Variants in UBE2E2 observed in about 807,000 individuals in gnomAD.
UBE2E2 encodes ubiquitin conjugating enzyme E2 E2, also known as ubiquitin-conjugating enzyme E2 E2.
A neutral mutation model predicts 24.7 loss-of-function variants in UBE2E2; 6 were observed. That is an observed-to-expected ratio of 0.24 (90% confidence interval 0.13 to 0.48). The LOEUF (loss-of-function observed/expected upper bound fraction) is 0.48, where lower values mean the gene tolerates loss of function less well. Ranked by LOEUF, UBE2E2 falls within the 20% of genes least tolerant of loss-of-function variation. The probability of loss-of-function intolerance (pLI) is 0.99; values close to 1 mark genes in which losing one functional copy is unlikely to be tolerated. For missense variants in UBE2E2, 169 were observed against 245.0 expected (o/e 0.69, Z 2.07); for synonymous variants, 104 against 83.6 (o/e 1.24, Z -1.33).
chr3:23,577,169 T>C lies in UBE2E2; in HGVS notation c.509-12565T>C, dbSNP rs573351265. Among the ~76,000 whole-genome samples the C allele has an allele frequency of 1.2e-4, 19 of 152,134 alleles. No homozygotes were observed. The South Asian group carries it at 2.5e-3, about 20-fold the overall frequency. On this transcript the variant is annotated intron_variant, in intron 5 of 5. Transcript: ENST00000396703. Reference sequence around the variant, plus strand: ...AGAGTCAAATGTCTCTCACTTTAAATTGAAAGATGGAGATAATTAAGCTTA... The same window carrying C: ...AGAGTCAAATGTCTCTCACTTTAAACTGAAAGATGGAGATAATTAAGCTTA...
intron 3 of UBE2E2, among the ~76,000 whole-genome samples, chr3:23,218,171 C>T (rs1042542557): frequency 6.6e-6 from 1 of 151,920 alleles, no homozygotes; most frequent in Non-Finnish European, 1.5e-5. Context: ...GGTATGATTT[C>T]TGAGTTTACT....
intron 5 of UBE2E2, among the ~76,000 whole-genome samples, chr3:23,556,355 A>G (rs1575704799): frequency 6.8e-6 from 1 of 147,482 alleles, no homozygotes; most frequent in Non-Finnish European, 1.5e-5. Flanking sequence ...GTTGGCCAGG[A>G]TGGTCTCAAT....
chr3:23,525,416 G>A (rs1694971869), intron 4 of UBE2E2, among the ~76,000 whole-genome samples: 1 of 152,108 alleles, frequency 6.6e-6, no homozygotes, highest in Admixed American at 6.5e-5. Context: ...TTGTTATCCA[G>A]GGCCATCTGG....
intron 3 of UBE2E2, among the ~76,000 whole-genome samples, chr3:23,246,387 A>ATTTTTTTTTT (rs35802594): frequency 1.2e-3 from 141 of 122,440 alleles, no homozygotes; most frequent in Non-Finnish European, 1.7e-3. Context: ...TGCCTGGCTA[A>ATTTTTTTTTT]TTTTTTTTTT....
At chr3:23,535,336 G>A (rs1400076369) in intron 5 of UBE2E2, among the ~76,000 whole-genome samples, 4 of 152,122 alleles carry the variant, frequency 2.6e-5, no homozygotes, top group East Asian at 1.9e-4. Context: ...ATAGGTGACC[G>A]ATAAACACCT....
chr3:23,221,934 T>A (rs1400318498), intron 3 of UBE2E2, among the ~76,000 whole-genome samples: 1 of 152,210 alleles, frequency 6.6e-6, no homozygotes, highest in Non-Finnish European at 1.5e-5. Flanking sequence ...TTTACCATCT[T>A]TACCATTTTT....
intron 3 of UBE2E2, among the ~76,000 whole-genome samples, chr3:23,432,943 G>T (rs1045621571): frequency 6.6e-6 from 1 of 151,820 alleles, no homozygotes; most frequent in African/African-American, 2.4e-5. Flanking sequence ...ATGATAGAAA[G>T]ATTCTTGATT....
intron 3 of UBE2E2, among the ~76,000 whole-genome samples, chr3:23,328,445 G>A (rs1162010014): frequency 6.6e-6 from 1 of 152,174 alleles, no homozygotes; most frequent in Non-Finnish European, 1.5e-5. Context: ...GTGTTAGATT[G>A]TGCCATATTT....
chr3:23,547,596 A>G (rs1695551539), intron 5 of UBE2E2, among the ~76,000 whole-genome samples: 1 of 152,200 alleles, frequency 6.6e-6, no homozygotes. Flanking sequence ...CCTGTACCTG[A>G]TTTATAACTA....
chr3:23,415,891 C>T (rs894532749), intron 3 of UBE2E2, among the ~76,000 whole-genome samples: 1 of 152,090 alleles, frequency 6.6e-6, no homozygotes, highest in African/African-American at 2.4e-5. Context: ...CTATCCCTCC[C>T]CTAGCCTCCC....
At chr3:23,241,290 T>A in intron 3 of UBE2E2, among the ~76,000 whole-genome samples, 1 of 152,218 alleles carries the variant, frequency 6.6e-6, no homozygotes, top group East Asian at 1.9e-4. Flanking sequence ...TCTTCATATC[T>A]TGCTTGAGTT....
intron 3 of UBE2E2, among the ~76,000 whole-genome samples, chr3:23,489,176 G>A (rs76686512): frequency 0.029 from 4,407 of 152,208 alleles, 110 homozygotes; most frequent in East Asian, 0.13. Flanking sequence ...GGCATGGGTC[G>A]GGGAGATGGT....
intron 3 of UBE2E2, among the ~76,000 whole-genome samples, chr3:23,483,212 T>A (rs889415025): frequency 5.3e-5 from 8 of 152,254 alleles, no homozygotes; most frequent in Admixed American, 2.0e-4. Context: ...CTCGTCTAGG[T>A]TTGAAATACA....
intron 3 of UBE2E2, among the ~76,000 whole-genome samples, chr3:23,356,965 G>A (rs982261969): frequency 2.6e-5 from 4 of 152,224 alleles, no homozygotes; most frequent in Non-Finnish European, 5.9e-5. Context: ...TCTCTGGGGT[G>A]ACTGACTTCG....
At chr3:23,271,651 A>T (rs1698246387) in intron 3 of UBE2E2, among the ~76,000 whole-genome samples, 1 of 152,170 alleles carries the variant, frequency 6.6e-6, no homozygotes, top group African/African-American at 2.4e-5. Context: ...CAGAGTGCTG[A>T]TTGGTGTATT....
At chr3:23,304,877 AT>A (rs981541547) in intron 3 of UBE2E2, among the ~76,000 whole-genome samples, 36 of 150,100 alleles carry the variant, frequency 2.4e-4, no homozygotes, top group African/African-American at 6.4e-4. Context: ...TGTAACTTCT[AT>A]TTTTTTTTCC....
intron 3 of UBE2E2, among the ~76,000 whole-genome samples, chr3:23,483,486 G>A (rs1427056481): frequency 6.6e-6 from 1 of 152,184 alleles, no homozygotes; most frequent in Non-Finnish European, 1.5e-5. Flanking sequence ...GAGGCTCAGT[G>A]GTATGAAAGG....
At chr3:23,258,147 A>G (rs1361718108) in intron 3 of UBE2E2, among the ~76,000 whole-genome samples, 3 of 152,220 alleles carry the variant, frequency 2.0e-5, no homozygotes, top group Admixed American at 6.5e-5. Context: ...AATATGCAAG[A>G]TGAGACCATG....
intron 3 of UBE2E2, among the ~76,000 whole-genome samples, chr3:23,289,590 G>T (rs761109566): frequency 3.9e-5 from 6 of 152,192 alleles, no homozygotes; most frequent in Non-Finnish European, 7.3e-5. Context: ...TTAAAATACT[G>T]TACTGTGTTA....
Sources: allele counts gnomAD v4.1 joint callset (sites outside exome capture counted in the v4.1 genomes callset), GRCh38; gene constraint gnomAD v4.1.1; transcripts MANE v1.5; gene names NCBI Gene and HGNC (gene_info 2026-07-23, HGNC 2026-07-21).